The following KCNQ5 variants were observed in gnomAD, a reference collection of about 807,000 sequenced individuals.
KCNQ5 encodes the protein potassium voltage-gated channel subfamily KQT member 5.
Under a neutral mutation model 98.2 loss-of-function variants are expected in KCNQ5, and 30 were observed. The observed-to-expected ratio is 0.31, with a 90% CI of 0.23 to 0.41. The LOEUF is 0.41. Ranked by LOEUF, KCNQ5 falls within the 10% of genes least tolerant of loss-of-function variation. The pLI, the probability that KCNQ5 is intolerant of heterozygous loss-of-function variation, is 1.00. For missense variants in KCNQ5, 835 were observed against 1,182.5 expected (o/e 0.71, Z 4.31); for synonymous variants, 458 against 449.4 (o/e 1.02, Z -0.24).
rs998620422 is a variant in KCNQ5, at chr6:72,848,549, G to T, written c.399-155359G>T. 3.9e-5 allele frequency among the ~76,000 whole-genome samples: 6 copies of T among 152,288 alleles called. No homozygotes were observed. In the South Asian group the frequency reaches 1.2e-3, roughly 32 times the overall value. Reference sequence around the variant, plus strand: ...TTTGGAATGAAGAGAGGGGGACCCTGACCTAGTTTTGTAACTCAAATAACT... The same window carrying T: ...TTTGGAATGAAGAGAGGGGGACCCTTACCTAGTTTTGTAACTCAAATAACT... On this transcript the variant is annotated intron_variant, in intron 1 of 13. Transcript: ENST00000370398.
intron 1 of KCNQ5, among the ~76,000 whole-genome samples, chr6:72,851,467 C>A (rs898965963): frequency 6.6e-6 from 1 of 152,146 alleles, no homozygotes; most frequent in East Asian, 1.9e-4. Context: ...GTCCTTCAAT[C>A]TAAATGTCAT....
chr6:72,856,901 G>T (rs572347980), intron 1 of KCNQ5, among the ~76,000 whole-genome samples: 1 of 152,298 alleles, frequency 6.6e-6, no homozygotes, highest in South Asian at 2.1e-4. Context: ...CCTCCCCCGT[G>T]GGGCTGGAGA....
chr6:73,066,474 A>C (rs1773063835), intron 3 of KCNQ5, among the ~76,000 whole-genome samples: 1 of 152,254 alleles, frequency 6.6e-6, no homozygotes, highest in Non-Finnish European at 1.5e-5. Context: ...CTTGGCTTAT[A>C]GTAGACATGC....
chr6:72,760,245 A>G (rs1034616020), intron 1 of KCNQ5, among the ~76,000 whole-genome samples: 2 of 152,162 alleles, frequency 1.3e-5, no homozygotes, highest in Admixed American at 1.3e-4. Context: ...TCTAGTTAGA[A>G]GAGCAGCATT....
intron 1 of KCNQ5, among the ~76,000 whole-genome samples, chr6:72,736,530 C>T (rs1218681614): frequency 2.5e-4 from 27 of 107,884 alleles, no homozygotes; most frequent in Admixed American, 2.3e-3. Context: ...GACGGAGTCT[C>T]GCTCTGTCGC....
chr6:72,718,526 C>T (rs1197206313), intron 1 of KCNQ5, among the ~76,000 whole-genome samples: 2 of 133,050 alleles, frequency 1.5e-5, no homozygotes, highest in Non-Finnish European at 3.1e-5. Context: ...TCTCCACTTA[C>T]TGCAACCTCC....
chr6:72,808,443 G>A (rs117592653), intron 1 of KCNQ5, among the ~76,000 whole-genome samples: 1,585 of 152,258 alleles, frequency 0.01, 15 homozygotes, highest in Middle Eastern at 0.02. Context: ...GGTGCACAGA[G>A]CACTGTACAA....
At chr6:72,880,989 A>G (rs1017158174) in intron 1 of KCNQ5, among the ~76,000 whole-genome samples, 1 of 152,230 alleles carries the variant, frequency 6.6e-6, no homozygotes, top group African/African-American at 2.4e-5. Context: ...AGAGGATTAA[A>G]GATGTCGACA....
At chr6:73,160,815 C>T (rs1239103016) in intron 10 of KCNQ5, among the ~76,000 whole-genome samples, 1 of 152,182 alleles carries the variant, frequency 6.6e-6, no homozygotes, top group Non-Finnish European at 1.5e-5. Flanking sequence ...GGAACTCCAA[C>T]GCCTGGGTCC....
intron 2 of KCNQ5, among the ~76,000 whole-genome samples, chr6:73,016,657 A>C (rs1248360073): frequency 6.6e-6 from 1 of 152,108 alleles, no homozygotes; most frequent in Non-Finnish European, 1.5e-5. Flanking sequence ...AGTAAAACAC[A>C]ATAGAGCCCT....
intron 1 of KCNQ5, among the ~76,000 whole-genome samples, chr6:72,907,105 G>A (rs913046332): frequency 6.6e-6 from 1 of 152,056 alleles, no homozygotes; most frequent in African/African-American, 2.4e-5. Context: ...TTTGAATCAC[G>A]TAAGAATTTC....
At chr6:72,743,847 A>G (rs1771246798) in intron 1 of KCNQ5, among the ~76,000 whole-genome samples, 1 of 152,158 alleles carries the variant, frequency 6.6e-6, no homozygotes, top group African/African-American at 2.4e-5. Context: ...TTTTTATTGT[A>G]TCTTTCATGG....
At chr6:72,638,883 C>G (rs770126399) in intron 1 of KCNQ5, among the ~76,000 whole-genome samples, 1 of 152,098 alleles carries the variant, frequency 6.6e-6, no homozygotes, top group Admixed American at 6.6e-5. Flanking sequence ...TGTGCAGAAA[C>G]GGAGAATAGG....
At chr6:72,938,450 G>A (rs761690791) in intron 1 of KCNQ5, among the ~76,000 whole-genome samples, 5 of 152,066 alleles carry the variant, frequency 3.3e-5, no homozygotes, top group African/African-American at 4.8e-5. Context: ...CATGATCTCC[G>A]CCCACTGCAA....
At chr6:72,812,583 A>G (rs1775295977) in intron 1 of KCNQ5, among the ~76,000 whole-genome samples, 1 of 152,182 alleles carries the variant, frequency 6.6e-6, no homozygotes, top group Non-Finnish European at 1.5e-5. Context: ...CCATGATAAA[A>G]ATCAGTGAGA....
At chr6:72,705,587 T>G (rs887702995) in intron 1 of KCNQ5, among the ~76,000 whole-genome samples, 12 of 102,878 alleles carry the variant, frequency 1.2e-4, no homozygotes, top group Admixed American at 1.1e-3. Context: ...TGTTGTTGTT[T>G]TTGTTTTTTT....
chr6:72,837,930 T>A (rs1776582613), intron 1 of KCNQ5, among the ~76,000 whole-genome samples: 1 of 152,060 alleles, frequency 6.6e-6, no homozygotes, highest in South Asian at 2.1e-4. Flanking sequence ...GACACCAAGT[T>A]ATTTTTTTTT....
intron 1 of KCNQ5, among the ~76,000 whole-genome samples, chr6:72,815,241 T>A (rs1255745418): frequency 6.6e-6 from 1 of 152,138 alleles, no homozygotes; most frequent in Non-Finnish European, 1.5e-5. Flanking sequence ...GCCTGGCACA[T>A]AGAAACTGCA....
chr6:73,095,454 A>G (rs1052570098), intron 5 of KCNQ5, among the ~76,000 whole-genome samples: 1 of 152,126 alleles, frequency 6.6e-6, no homozygotes, highest in African/African-American at 2.4e-5. Context: ...GTTTGGGTCC[A>G]TTGCTGGGGA....
Sources: allele counts gnomAD v4.1 joint callset (sites outside exome capture counted in the v4.1 genomes callset), GRCh38; gene constraint gnomAD v4.1.1; transcripts MANE v1.5; gene names NCBI Gene and HGNC (gene_info 2026-07-23, HGNC 2026-07-21).